Variants in GBF1 observed in about 807,000 individuals in gnomAD.
GBF1 encodes the protein Golgi-specific brefeldin A-resistance guanine nucleotide exchange factor 1.
GBF1 carries 114 observed loss-of-function variants against 210.5 expected under a neutral mutation model. The observed-to-expected ratio is 0.54, with a 90% CI of 0.47 to 0.63. GBF1 has a LOEUF of 0.63. Ranked by LOEUF, GBF1 falls within the 30% of genes least tolerant of loss-of-function variation. The probability of loss-of-function intolerance (pLI) is 0.00; values close to 1 mark genes in which losing one functional copy is unlikely to be tolerated. For synonymous variants in GBF1, 850 were observed against 889.2 expected, an observed-to-expected ratio of 0.96 and a Z score of 0.78; for missense variants, 1,851 against 2,357.7, an observed-to-expected ratio of 0.79 and a Z score of 4.45.
At chr10:102,254,377 AT>A (rs1254678685) in intron 1 of GBF1, among the ~76,000 whole-genome samples, 6 of 152,222 alleles carry the variant, frequency 3.9e-5, no homozygotes. Context: ...CTAAAAAAAA[AT>A]CAAAAAGAAA....
intron 3 of GBF1, among the ~76,000 whole-genome samples, chr10:102,326,518 C>CT (rs1371527531): frequency 1.3e-5 from 2 of 151,826 alleles, no homozygotes; most frequent in Non-Finnish European, 2.9e-5. Context: ...TCTGGCTTTC[C>CT]TTTTTTTTCA....
intron 3 of GBF1, among the ~76,000 whole-genome samples, chr10:102,337,172 G>T (rs1397045359): frequency 6.6e-6 from 1 of 151,458 alleles, no homozygotes; most frequent in African/African-American, 2.4e-5. Context: ...AGGTCAGGAG[G>T]TCGAGACCAT....
chr10:102,259,511 T>C (rs773476667), intron 2 of GBF1, among the ~76,000 whole-genome samples: 1 of 152,210 alleles, frequency 6.6e-6, no homozygotes, highest in Non-Finnish European at 1.5e-5. Context: ...TACAGTTGGC[T>C]TTCTTTGCTA....
At chr10:102,232,471 T>C in the GBF1 span, among the ~76,000 whole-genome samples, 1 of 152,046 alleles carries the variant, frequency 6.6e-6, no homozygotes, top group African/African-American at 2.4e-5. Context: ...TCACCTGAGG[T>C]CAGGAGTTCG....
the GBF1 span, among the ~76,000 whole-genome samples, chr10:102,234,246 G>C: frequency 6.6e-6 from 1 of 152,290 alleles, no homozygotes; most frequent in East Asian, 1.9e-4. Context: ...ACAGCTCAGA[G>C]ATCACAGCTG....
chr10:102,230,905 G>A, the GBF1 span: 1 of 1,611,960 alleles, frequency 6.2e-7, no homozygotes, highest in Non-Finnish European at 8.5e-7. Context: ...CGAGTTGAAG[G>A]CGAATGGAAA....
the GBF1 span, chr10:102,231,717 C>T: frequency 6.2e-7 from 1 of 1,609,896 alleles, no homozygotes; most frequent in Admixed American, 1.7e-5. Flanking sequence ...GCGTGCGCTG[C>T]CGCCGCTGCT....
intron 3 of GBF1, among the ~76,000 whole-genome samples, chr10:102,272,643 T>A (rs1408903741): frequency 6.6e-6 from 1 of 152,248 alleles, no homozygotes; most frequent in Non-Finnish European, 1.5e-5. Flanking sequence ...ATTCTGTCAT[T>A]TTTTTCTACA....
intron 3 of GBF1, among the ~76,000 whole-genome samples, chr10:102,306,635 G>A (rs1402708187): frequency 6.6e-6 from 1 of 152,204 alleles, no homozygotes; most frequent in Non-Finnish European, 1.5e-5. Flanking sequence ...TGTTGGCCAG[G>A]TTGGTCTTGA....
Position 102,365,456 on chromosome 10 carries a change from G to T in GBF1, c.2166G>T (p.Leu722=). The T allele has an allele frequency of 6.2e-7, 1 of 1,614,162 alleles. No individual in the cohort carries two copies. Among genetic ancestry groups the T allele is most frequent in the Non-Finnish European group, 8.5e-7 (1 of 1,179,956 alleles). ...NQKPKKGIQF[L]QEKGLLTIPM... is the part of the protein sequence containing the mutation. ...AACCAAAGAAGGGGATTCAGTTTCT[G>T]CAAGAGAAAGGCCTCCTCACCATCC... The change falls in exon 18 of 40, where the codon CTG becomes CTT. Residue 722 remains leucine (L), a synonymous_variant. Transcript: ENST00000369983.
chr10:102,332,808 C>G (rs2134349309), intron 3 of GBF1, among the ~76,000 whole-genome samples: 1 of 152,266 alleles, frequency 6.6e-6, no homozygotes, highest in Non-Finnish European at 1.5e-5. Context: ...TACTTTGTCT[C>G]TTAAAAATCA....
chr10:102,322,082 A>ACTC (rs1367023045), intron 3 of GBF1, among the ~76,000 whole-genome samples: 4 of 151,712 alleles, frequency 2.6e-5, no homozygotes, highest in African/African-American at 7.3e-5. Flanking sequence ...CTGGTCTTGA[A>ACTC]CTCCTGGGCT....
the GBF1 span, chr10:102,230,962 C>A: frequency 6.2e-7 from 1 of 1,607,992 alleles, no homozygotes; most frequent in South Asian, 1.1e-5. Context: ...CGGCCAGTTG[C>A]CGTACGAGTA....
At chr10:102,311,249 A>T (rs2078403321) in intron 3 of GBF1, among the ~76,000 whole-genome samples, 1 of 152,218 alleles carries the variant, frequency 6.6e-6, no homozygotes, top group Non-Finnish European at 1.5e-5. Flanking sequence ...TTAGCATGAT[A>T]ACACTTCTGT....
At position 102,362,628 on chromosome 10, in the gene GBF1, T is replaced by C. The variant is rs1034184000; in HGVS notation, c.1840T>C (p.Cys614Arg). The change falls in exon 15 of 40, where the codon TGT (cysteine) becomes CGT (arginine). Residue 614 changes from cysteine to arginine, a missense_variant. Physicochemically the swap from Cys to Arg is radical, Grantham distance 180. Transcript: ENST00000369983. ...GAAGAAGGAGACAGCCAGACCAAGC[T>C]GTGAGATAGTAGATGGCACCCGAGA... ...QEKKETARPS[C>R]EIVDGTREAS... The C allele has an allele frequency of 5.1e-5, 82 of 1,614,102 alleles. No homozygotes were observed. Among genetic ancestry groups the C allele is most frequent in the Non-Finnish European group, 6.7e-5 (79 of 1,180,028 alleles).
At chr10:102,233,523 C>T in the GBF1 span, among the ~76,000 whole-genome samples, 3 of 152,150 alleles carry the variant, frequency 2.0e-5, no homozygotes, top group Non-Finnish European at 4.4e-5. Flanking sequence ...AGGCTGGTCT[C>T]GAACTCCTCA....
chr10:102,231,178 C>T, the GBF1 span: 8 of 1,367,392 alleles, frequency 5.9e-6, no homozygotes, highest in South Asian at 3.0e-5. Flanking sequence ...CCCGACGGGG[C>T]TTCCAGCCGG....
intron 3 of GBF1, among the ~76,000 whole-genome samples, chr10:102,278,034 G>T (rs2075146934): frequency 6.6e-6 from 1 of 151,968 alleles, no homozygotes; most frequent in Non-Finnish European, 1.5e-5. Context: ...AGGCAGGAGG[G>T]TTGCTTGAGG....
At chr10:102,248,097 T>C (rs767286769) in intron 1 of GBF1, among the ~76,000 whole-genome samples, 6 of 152,212 alleles carry the variant, frequency 3.9e-5, no homozygotes, top group Non-Finnish European at 8.8e-5. Flanking sequence ...CTAATCTTTG[T>C]ATGACACTTC....
Sources: allele counts gnomAD v4.1 joint callset (sites outside exome capture counted in the v4.1 genomes callset), GRCh38; gene constraint gnomAD v4.1.1; transcripts MANE v1.5; gene names NCBI Gene and HGNC (gene_info 2026-07-23, HGNC 2026-07-21).